AFG2A: variants seen among roughly 807,000 people sequenced by gnomAD.
AFG2A encodes the protein ATPase family gene 2 protein homolog A.
chr4:122,929,085 G>T, the AFG2A span: 1 of 1,613,786 alleles, frequency 6.2e-7, no homozygotes, highest in African/African-American at 1.3e-5. Context: ...AGGCAAGGTC[G>T]GCCTGAGTGA....
the AFG2A span, among the ~76,000 whole-genome samples, chr4:123,006,987 G>A: frequency 1.8e-4 from 27 of 150,918 alleles, no homozygotes; most frequent in African/African-American, 6.3e-4. Flanking sequence ...TGGTCTTGGG[G>A]GCTAGAGCGG....
At chr4:123,214,978 A>G in the AFG2A span, among the ~76,000 whole-genome samples, 1 of 151,996 alleles carries the variant, frequency 6.6e-6, no homozygotes, top group African/African-American at 2.4e-5. Flanking sequence ...AGAATTTTTG[A>G]TGTGTGTAGG....
At chr4:123,256,686 A>G in the AFG2A span, 1 of 985,274 alleles carries the variant, frequency 1.0e-6, no homozygotes, top group Non-Finnish European at 1.2e-6. Flanking sequence ...CTAATTTTGT[A>G]TTAAACATTC....
At chr4:123,085,505 C>CA in the AFG2A span, among the ~76,000 whole-genome samples, 183 of 152,238 alleles carry the variant, frequency 1.2e-3, no homozygotes, top group Non-Finnish European at 2.2e-3. Context: ...TGTCTGGAAT[C>CA]AATATAGCTA....
chr4:123,279,416 C>A, the AFG2A span, among the ~76,000 whole-genome samples: 41 of 146,828 alleles, frequency 2.8e-4, no homozygotes, highest in Non-Finnish European at 2.7e-4. Context: ...TCTCAAAAAA[C>A]AAAAAAAAAA....
chr4:123,152,991 A>G, the AFG2A span, among the ~76,000 whole-genome samples: 2 of 152,326 alleles, frequency 1.3e-5, no homozygotes, highest in Admixed American at 6.5e-5. Flanking sequence ...GTTAAATTAT[A>G]TATCTTCCCA....
chr4:123,218,452 T>A, the AFG2A span, among the ~76,000 whole-genome samples: 2 of 152,168 alleles, frequency 1.3e-5, no homozygotes, highest in South Asian at 4.1e-4. Context: ...TGAGTGGCAA[T>A]TATTTTGTTT....
chr4:122,959,790 G>A, the AFG2A span, among the ~76,000 whole-genome samples: 4 of 152,118 alleles, frequency 2.6e-5, no homozygotes, highest in East Asian at 1.9e-4. Context: ...GTGATAATGC[G>A]TCTTTTACAG....
chr4:123,059,606 A>G, the AFG2A span, among the ~76,000 whole-genome samples: 6 of 151,590 alleles, frequency 4.0e-5, no homozygotes, highest in African/African-American at 1.5e-4. Context: ...TAGTGCCACA[A>G]TAAACATACG....
At chr4:122,987,615 G>A in the AFG2A span, among the ~76,000 whole-genome samples, 2 of 151,230 alleles carry the variant, frequency 1.3e-5, no homozygotes, top group South Asian at 2.1e-4. Flanking sequence ...TTACTCTGAG[G>A]CTTACATAAA....
At chr4:123,034,525 G>A in the AFG2A span, among the ~76,000 whole-genome samples, 2 of 144,548 alleles carry the variant, frequency 1.4e-5, no homozygotes, top group Non-Finnish European at 3.0e-5. Context: ...AAGGAAGCAT[G>A]ATAGCTAAAT....
the AFG2A span, chr4:122,934,767 A>G: frequency 6.6e-7 from 1 of 1,525,856 alleles, no homozygotes; most frequent in Middle Eastern, 1.9e-4. Context: ...ATTGCACCCA[A>G]AAATGTTAAA....
chr4:122,929,262 A>C, the AFG2A span: 2 of 1,453,950 alleles, frequency 1.4e-6, no homozygotes, highest in Non-Finnish European at 1.8e-6. Context: ...AAGAGTCACA[A>C]ATGTAAACCA....
the AFG2A span, among the ~76,000 whole-genome samples, chr4:123,190,825 TA>T: frequency 6.6e-6 from 1 of 152,192 alleles, no homozygotes; most frequent in African/African-American, 2.4e-5. Flanking sequence ...AGTTTGTAGG[TA>T]AACACTGCCT....
chr4:123,148,290 G>A, the AFG2A span, among the ~76,000 whole-genome samples: 1 of 152,144 alleles, frequency 6.6e-6, no homozygotes, highest in Non-Finnish European at 1.5e-5. Context: ...TGTGCATAAT[G>A]ATTGAGACCA....
the AFG2A span, among the ~76,000 whole-genome samples, chr4:123,244,726 T>G: frequency 1.2e-4 from 19 of 152,318 alleles, no homozygotes; most frequent in African/African-American, 4.6e-4. Context: ...ATGTAATGAG[T>G]TAAAAACCTT....
the AFG2A span, among the ~76,000 whole-genome samples, chr4:123,188,072 TA>T: frequency 2.0e-5 from 3 of 152,046 alleles, no homozygotes; most frequent in African/African-American, 7.2e-5. Flanking sequence ...AGAAGAAAGA[TA>T]ATGAAGTGTG....
the AFG2A span, among the ~76,000 whole-genome samples, chr4:122,949,305 A>G: frequency 6.6e-6 from 1 of 152,154 alleles, no homozygotes; most frequent in East Asian, 1.9e-4. Flanking sequence ...GAGTGACATT[A>G]ACTTGCTCCT....
chr4:122,930,030 T>C, the AFG2A span, among the ~76,000 whole-genome samples: 1 of 152,218 alleles, frequency 6.6e-6, no homozygotes, highest in Non-Finnish European at 1.5e-5. Context: ...GCTTCTTATT[T>C]TACAGTTGTA....
Sources: gnomAD v4.1 joint callset for allele counts (sites outside exome capture counted in the v4.1 genomes callset) on GRCh38, gnomAD v4.1.1 for gene constraint, MANE v1.5 for transcripts, NCBI Gene and HGNC (gene_info 2026-07-23, HGNC 2026-07-21) for gene names.